NRAP: variants seen among roughly 807,000 people sequenced by gnomAD.
NRAP encodes nebulin related anchoring protein.
A neutral mutation model predicts 225.9 loss-of-function variants in NRAP; 189 were observed. The ratio of observed to expected loss-of-function variants is 0.84; its 90% CI spans 0.74 to 0.94. The LOEUF is 0.94. Among genes scored for constraint, NRAP ranks in the 40% least tolerant of loss-of-function variants. The probability of loss-of-function intolerance (pLI) is 0.00; values close to 1 mark genes in which losing one functional copy is unlikely to be tolerated. For missense variants in NRAP, 2,176 were observed against 2,168.7 expected (o/e 1.00, Z -0.07); for synonymous variants, 769 against 790.7 (o/e 0.97, Z 0.46).
At position 113,620,459 on chromosome 10, in the gene NRAP, T is replaced by C. The variant is rs1442619628; in HGVS notation, c.2874+145A>G. On this transcript the variant is annotated intron_variant, in intron 25 of 41. Coordinates refer to ENST00000359988, the MANE Select transcript of NRAP (RefSeq NM_198060.4). ...TGTTTCGTACGTGGTTTCCCTCTAA[T>C]TACCAGCCCTAGTCTGGGTTTTGAG... 8.0e-6 allele frequency: 5 copies of C among 622,654 alleles called. No individual in the cohort carries two copies. In the Admixed American group the frequency reaches 1.4e-4, roughly 17 times the overall value. 38.6% of individuals were successfully genotyped at this position (622,654 alleles called of 1,614,324 possible).
intron 39 of NRAP, among the ~76,000 whole-genome samples, chr10:113,591,805 G>A (rs1233677098): frequency 6.6e-6 from 1 of 152,202 alleles, no homozygotes; most frequent in Non-Finnish European, 1.5e-5. Context: ...CTAAGTGACT[G>A]AGCCAGGATT....
chr10:113,658,847 A>C (rs986506496), intron 3 of NRAP, among the ~76,000 whole-genome samples: 13 of 149,348 alleles, frequency 8.7e-5, no homozygotes, highest in African/African-American at 3.2e-4. Flanking sequence ...ACACCACTGC[A>C]CTCCAGCCTG....
At position 113,604,861 on chromosome 10, in the gene NRAP, T is replaced by A. The variant is rs200519563; in HGVS notation, c.3975A>T (p.Val1325=). 6.2e-7 allele frequency: 1 copy of A among 1,614,202 alleles called. No individual in the cohort carries two copies. Among genetic ancestry groups the A allele is most frequent in the Non-Finnish European group, 8.5e-7 (1 of 1,180,022 alleles). ...ERGKLIGPQS[V]RDDPRIQHCR... is the part of the protein sequence containing the mutation. ...AGTGCTGGATCCGGGGGTCGTCTCT[T>A]ACACTCTGGGGCCCTATGAGTTTCC... Residue 1325 remains valine, a synonymous_variant, in exon 35 of 42, where the codon GTA becomes GTT. Transcript: ENST00000359988.
chr10:113,608,911 C>CACTTT (rs1306803154), intron 31 of NRAP, among the ~76,000 whole-genome samples: 4 of 152,210 alleles, frequency 2.6e-5, no homozygotes, highest in African/African-American at 9.7e-5. Context: ...GTAATCCCAG[C>CACTTT]ACTTTAGGAG....
chr10:113,593,064 A>AGAT (rs370587621), intron 38 of NRAP, among the ~76,000 whole-genome samples: 19 of 152,052 alleles, frequency 1.2e-4, no homozygotes, highest in Non-Finnish European at 2.4e-4. Flanking sequence ...TTTTTTTTCA[A>AGAT]GATAAGGGAA....
chr10:113,615,783 G>A lies in NRAP; in HGVS notation c.3007C>T (p.His1003Tyr), dbSNP rs142577105. 6.1e-5 allele frequency: 98 copies of A among 1,608,550 alleles called. No homozygotes were observed. In the Admixed American group the frequency reaches 8.3e-4, roughly 14 times the overall value. ...LYREQGENIKHHYTPTADLPE... is the reference protein window; with the variant it reads ...LYREQGENIKYHYTPTADLPE... ...AGGTCAGCAGTCGGTGTGTAATGATGCTTTATGTTTTCTCCTTGTTCCCTG... is the reference window on the plus strand; with the variant it reads ...AGGTCAGCAGTCGGTGTGTAATGATACTTTATGTTTTCTCCTTGTTCCCTG... Residue 1003 changes from histidine (H) to tyrosine (Y), a missense_variant, in exon 27 of 42, where the codon CAT becomes TAT. This residue lies in a region of NRAP where 1,708 missense variants were observed against 1,695.5 expected (regional missense o/e 1.01). Transcript: ENST00000359988.
At chr10:113,655,057 G>C (rs1197204009) in intron 4 of NRAP, among the ~76,000 whole-genome samples, 1 of 152,154 alleles carries the variant, frequency 6.6e-6, no homozygotes, top group African/African-American at 2.4e-5. Context: ...CCAGCCTTTG[G>C]AGATCCAGAA....
chr10:113,625,710 A>C (rs1848251215), intron 21 of NRAP, among the ~76,000 whole-genome samples: 1 of 152,174 alleles, frequency 6.6e-6, no homozygotes, highest in South Asian at 2.1e-4. Context: ...TTCTTCCCCC[A>C]AGATAATTCT....
At chr10:113,601,989 C>T (rs1331771004) in intron 35 of NRAP, among the ~76,000 whole-genome samples, 1 of 152,110 alleles carries the variant, frequency 6.6e-6, no homozygotes, top group African/African-American at 2.4e-5. Context: ...GGGCTCAAGC[C>T]ATCCTCCCAC....
At chr10:113,656,006 T>C (rs1850285049) in intron 4 of NRAP, among the ~76,000 whole-genome samples, 1 of 152,124 alleles carries the variant, frequency 6.6e-6, no homozygotes, top group Non-Finnish European at 1.5e-5. Flanking sequence ...CCTGCAAAAC[T>C]GGTTCAGGCC....
Position 113,613,118 on chromosome 10 carries a change from T to G in NRAP, c.3301-687A>C, listed in dbSNP as rs549277151. Reference sequence around the variant, plus strand: ...TCCTCATCCTCCTTTGTCCTTCCATTGTCTTTCATTGCTCTGGCCACCCCT... The same window carrying G: ...TCCTCATCCTCCTTTGTCCTTCCATGGTCTTTCATTGCTCTGGCCACCCCT... On this transcript the variant is annotated intron_variant, in intron 29 of 41. Transcript: ENST00000359988. 3.9e-5 allele frequency among the ~76,000 whole-genome samples: 6 copies of G among 152,298 alleles called. No homozygotes were observed. The South Asian group carries it at 1.2e-3, about 32-fold the overall frequency.
chr10:113,598,086 A>C lies in NRAP; in HGVS notation c.4228-13T>G. ...ACTTGTAGCGCAACTGCAGGGAAAA[A>C]AATCATGGGCTTTATCAGGAGAGTG... On this transcript the variant is annotated splice_polypyrimidine_tract_variant and intron_variant, in intron 35 of 41. Transcript: ENST00000359988. 1 of 1,564,994 alleles carries C rather than the reference A, an allele frequency of 6.4e-7. No homozygotes were observed. Among genetic ancestry groups the C allele is most frequent in the Non-Finnish European group, 8.8e-7 (1 of 1,135,362 alleles).
Position 113,645,961 on chromosome 10 carries a change from A to C in NRAP, c.994-20T>G. ...TTTTATCTGAAAAAAAAAACACAAA[A>C]CGGGGCTGGAGTTGATGTTTCCATG... On this transcript the variant is annotated intron_variant, in intron 10 of 41. Transcript: ENST00000359988. The C allele has an allele frequency of 4.8e-5, 61 of 1,276,208 alleles. No individual in the cohort carries two copies. Among genetic ancestry groups the C allele is most frequent in the Non-Finnish European group, 6.3e-5 (57 of 898,332 alleles). 79.1% of individuals were successfully genotyped at this position (1,276,208 alleles called of 1,614,324 possible).
chr10:113,594,428 C>T (rs1399838105), intron 38 of NRAP, among the ~76,000 whole-genome samples: 1 of 152,188 alleles, frequency 6.6e-6, no homozygotes, highest in Non-Finnish European at 1.5e-5. Context: ...CCTGGGGTGG[C>T]TCTCCTCCTC....
rs1341825538 is a variant in NRAP at position 113,590,710 on chromosome 10, G to A, written c.4824C>T (p.Gly1608=). The A allele has an allele frequency of 1.9e-6, 3 of 1,614,218 alleles. 1 individual carries two copies. In the South Asian group the frequency reaches 3.3e-5, roughly 18 times the overall value. Reference sequence around the variant, plus strand: ...GCTGGCTCCTCTTGGCCTGAAGGAGGCCGGGCTGGTCTGTGCTGCTGTGAA... The same window carrying A: ...GCTGGCTCCTCTTGGCCTGAAGGAGACCGGGCTGGTCTGTGCTGCTGTGAA... ...SQFHSSTDQP[G]LLQAKRSQQL... Residue 1608 remains glycine (G), a synonymous_variant, in exon 40 of 42, where the codon GGC becomes GGT. Transcript: ENST00000359988.
chr10:113,652,814 A>G (rs1850060688), intron 6 of NRAP, 121 bp downstream of exon 6: 4 of 686,128 alleles, frequency 5.8e-6, no homozygotes, highest in Non-Finnish European at 5.2e-6. Flanking sequence ...TCTCTGTAAT[A>G]TGACACTAAT....
At chr10:113,634,303 C>T (rs1399080944) in intron 14 of NRAP, 93 bp from the exon 15 acceptor site, 8 of 844,030 alleles carry the variant, frequency 9.5e-6, no homozygotes, top group African/African-American at 1.7e-5. Context: ...TGGCAATTCT[C>T]AAATGGCTAC....
chr10:113,600,155 T>TTGTGTGTCTCTCTC (rs10636194), intron 35 of NRAP, among the ~76,000 whole-genome samples: 1 of 140,198 alleles, frequency 7.1e-6, no homozygotes. Flanking sequence ...AGGGGTTATA[T>TTGTGTGTCTCTCTC]TCTCTCTCTC....
Position 113,663,991 on chromosome 10 carries a change from G to A in NRAP, c.-109C>T, listed in dbSNP as rs901636939. ...ATCCGACGACCATAAAATTCCTGTG[G>A]GCACCTCGATCTTTCAGAATCCAAC... is the stretch of plus-strand genomic sequence containing the variant. On this transcript the variant is annotated 5_prime_UTR_variant, in exon 1 of 42. Transcript: ENST00000359988. 2.6e-5 allele frequency: 20 copies of A among 780,140 alleles called. No homozygotes were observed. Among genetic ancestry groups the A allele is most frequent in the Non-Finnish European group, 4.4e-5 (20 of 450,450 alleles). The allele number at this position is 780,140 out of a possible 1,614,324, so 48.3% of individuals were successfully genotyped here.
Sources: gnomAD v4.1 joint callset for allele counts (sites outside exome capture counted in the v4.1 genomes callset) on GRCh38, gnomAD v4.1.1 for gene constraint, gnomAD v4.1.1 regional missense constraint, MANE v1.5 for transcripts, NCBI Gene and HGNC (gene_info 2026-07-23, HGNC 2026-07-21) for gene names.